Variants in CACNB4 observed in about 807,000 individuals in gnomAD.
The protein encoded by CACNB4 is voltage-dependent L-type calcium channel subunit beta-4.
Under a neutral mutation model 71.2 loss-of-function variants are expected in CACNB4, and 32 were observed. The ratio of observed to expected loss-of-function variants is 0.45; its 90% CI spans 0.34 to 0.60. CACNB4 has a LOEUF of 0.60. Ranked by LOEUF, CACNB4 falls within the 20% of genes least tolerant of loss-of-function variation. The pLI, the probability that CACNB4 is intolerant of heterozygous loss-of-function variation, is 0.01. For missense variants in CACNB4, 464 were observed against 647.9 expected, an observed-to-expected ratio of 0.72 and a Z score of 3.08; for synonymous variants, 231 against 236.9, an observed-to-expected ratio of 0.97 and a Z score of 0.23.
At chr2:151,915,172 G>T (rs2099857144) in intron 2 of CACNB4, among the ~76,000 whole-genome samples, 1 of 152,116 alleles carries the variant, frequency 6.6e-6, no homozygotes, top group Non-Finnish European at 1.5e-5. Flanking sequence ...TAAGCCTCTG[G>T]CTGAAGTTAT....
intron 2 of CACNB4, among the ~76,000 whole-genome samples, chr2:152,069,906 G>A (rs556033080): frequency 4.3e-5 from 6 of 139,986 alleles, no homozygotes; most frequent in Non-Finnish European, 9.0e-5. Flanking sequence ...GCAGTGGCAC[G>A]ATCTCGGCTC....
At chr2:151,860,551 ACT>A (rs1437968212) in intron 10 of CACNB4, 158 bp downstream of exon 10, 13 of 649,002 alleles carry the variant, frequency 2.0e-5, no homozygotes, top group South Asian at 3.7e-5. Context: ...CTACTGCAAG[ACT>A]CTGCTGCCTT....
At chr2:152,062,983 G>A (rs572124999) in intron 2 of CACNB4, among the ~76,000 whole-genome samples, 1 of 152,318 alleles carries the variant, frequency 6.6e-6, no homozygotes, top group South Asian at 2.1e-4. Context: ...CGCAGAGGAG[G>A]ATCAGCAGAT....
intron 2 of CACNB4, among the ~76,000 whole-genome samples, chr2:152,037,720 G>C (rs931961102): frequency 6.6e-6 from 1 of 152,226 alleles, no homozygotes; most frequent in Non-Finnish European, 1.5e-5. Context: ...ATGGGAGGGA[G>C]AGAAAGAAAT....
intron 2 of CACNB4, among the ~76,000 whole-genome samples, chr2:151,989,999 T>C (rs1681616176): frequency 6.6e-6 from 1 of 152,176 alleles, no homozygotes; most frequent in Non-Finnish European, 1.5e-5. Context: ...TCCCAATTTG[T>C]TCCCTGTGAC....
intron 2 of CACNB4, among the ~76,000 whole-genome samples, chr2:151,917,373 T>C: frequency 6.6e-6 from 1 of 152,196 alleles, no homozygotes; most frequent in Non-Finnish European, 1.5e-5. Flanking sequence ...CTGGAAGGAC[T>C]CTTCCCAAGG....
intron 2 of CACNB4, among the ~76,000 whole-genome samples, chr2:152,002,453 C>A (rs755792854): frequency 1.3e-5 from 2 of 152,178 alleles, no homozygotes; most frequent in Non-Finnish European, 2.9e-5. Flanking sequence ...GGTTATACAG[C>A]GACCATGGCC....
chr2:152,056,611 A>T (rs1685743903), intron 2 of CACNB4, among the ~76,000 whole-genome samples: 1 of 152,142 alleles, frequency 6.6e-6, no homozygotes, highest in South Asian at 2.1e-4. Flanking sequence ...TAGGCAATTA[A>T]TAGACTCTAC....
At chr2:152,067,697 T>C (rs968099430) in intron 2 of CACNB4, among the ~76,000 whole-genome samples, 1 of 152,168 alleles carries the variant, frequency 6.6e-6, no homozygotes, top group Admixed American at 6.6e-5. Context: ...ATCATGGAGC[T>C]AGATCACCCG....
rs886054952 is a variant in CACNB4, at chr2:151,833,701, A to C, written c.*5418T>G. ...TGACAAAACTTAGAACTAAATCGAC[A>C]TACTTTTAAAAAATATGACTGCCAA... On this transcript the variant is annotated 3_prime_UTR_variant, in exon 14 of 14. Transcript: ENST00000539935. 2.6e-5 allele frequency: 4 copies of C among 152,128 alleles called. No individual in the cohort carries two copies. The highest frequency in any genetic ancestry group is 5.9e-5 in the Non-Finnish European group (4 of 67,948). 9.4% of individuals were successfully genotyped at this position (152,128 alleles called of 1,614,324 possible).
chr2:151,924,128 G>A (rs1578817313), intron 2 of CACNB4, among the ~76,000 whole-genome samples: 1 of 133,308 alleles, frequency 7.5e-6, no homozygotes, highest in African/African-American at 2.7e-5. Flanking sequence ...GCCCAGGCTG[G>A]AGTGCAGTGG....
intron 2 of CACNB4, among the ~76,000 whole-genome samples, chr2:151,924,419 C>T (rs964013670): frequency 6.6e-6 from 1 of 151,086 alleles, no homozygotes; most frequent in African/African-American, 2.4e-5. Flanking sequence ...TACTACTATA[C>T]AATATAATTT....
chr2:151,974,574 A>T (rs1382769711), intron 2 of CACNB4, among the ~76,000 whole-genome samples: 1 of 152,242 alleles, frequency 6.6e-6, no homozygotes, highest in Non-Finnish European at 1.5e-5. Context: ...TCTTTAGTTG[A>T]ATGTTTTTAA....
intron 2 of CACNB4, among the ~76,000 whole-genome samples, chr2:152,052,495 C>T (rs967085346): frequency 2.0e-5 from 3 of 152,018 alleles, no homozygotes; most frequent in Non-Finnish European, 4.4e-5. Context: ...GGTTTTGCCA[C>T]GTTGGCCAGG....
chr2:151,896,167 A>G (rs757486859), intron 2 of CACNB4, among the ~76,000 whole-genome samples: 6 of 152,186 alleles, frequency 3.9e-5, no homozygotes, highest in Non-Finnish European at 8.8e-5. Context: ...TTCAAAAAGA[A>G]TATTTCCTGT....
intron 2 of CACNB4, among the ~76,000 whole-genome samples, chr2:152,014,788 T>A (rs183251775): frequency 1.3e-5 from 2 of 152,016 alleles, no homozygotes; most frequent in Non-Finnish European, 2.9e-5. Context: ...TAAAAAAAAG[T>A]CTTGTTGGCC....
intron 2 of CACNB4, among the ~76,000 whole-genome samples, chr2:152,036,542 T>C (rs1684602109): frequency 6.6e-6 from 1 of 152,198 alleles, no homozygotes; most frequent in Non-Finnish European, 1.5e-5. Flanking sequence ...TTAGGTGATC[T>C]GCTCTCCTAG....
intron 2 of CACNB4, chr2:151,968,940 C>T (rs549058946): frequency 5.9e-5 from 9 of 152,308 alleles, no homozygotes; most frequent in Admixed American, 5.2e-4. Flanking sequence ...GGGATCTGAT[C>T]GATTCAAGGA....
intron 2 of CACNB4, among the ~76,000 whole-genome samples, chr2:152,040,937 C>T (rs1684840249): frequency 1.3e-5 from 2 of 152,140 alleles, no homozygotes; most frequent in Non-Finnish European, 2.9e-5. Context: ...TCCACATAAA[C>T]AAAATTGCAT....
Sources: gnomAD v4.1 joint callset for allele counts (sites outside exome capture counted in the v4.1 genomes callset) on GRCh38, gnomAD v4.1.1 for gene constraint, MANE v1.5 for transcripts, NCBI Gene and HGNC (gene_info 2026-07-23, HGNC 2026-07-21) for gene names.